The following EIF2B5 variants were observed in gnomAD, a reference collection of about 807,000 sequenced individuals.
EIF2B5 encodes the protein eukaryotic translation initiation factor 2B subunit epsilon.
In EIF2B5, 38 loss-of-function variants were observed where a neutral mutation model predicts 87.3. The observed-to-expected ratio is 0.44, with a 90% CI of 0.34 to 0.57. The LOEUF is 0.57. Ranked by LOEUF, EIF2B5 falls within the 20% of genes least tolerant of loss-of-function variation. The pLI is 0.02. For missense variants in EIF2B5, 784 were observed against 909.5 expected, an observed-to-expected ratio of 0.86 and a Z score of 1.78; for synonymous variants, 313 against 339.6, an observed-to-expected ratio of 0.92 and a Z score of 0.86.
intron 5 of EIF2B5, among the ~76,000 whole-genome samples, chr3:184,139,646 CTT>C (rs1713531937): frequency 6.6e-6 from 1 of 150,668 alleles, no homozygotes; most frequent in Admixed American, 6.6e-5. Flanking sequence ...CTGGGAGTCT[CTT>C]TGGAATTCTG....
intron 13 of EIF2B5, 96 bp downstream of exon 13, chr3:184,143,661 G>C: frequency 6.3e-7 from 1 of 1,586,364 alleles, no homozygotes; most frequent in South Asian, 1.1e-5. Flanking sequence ...GTCACTTCTG[G>C]TTCCTTTTTC....
At chr3:184,136,113 C>T (rs1713346146) in intron 1 of EIF2B5, among the ~76,000 whole-genome samples, 2 of 152,072 alleles carry the variant, frequency 1.3e-5, no homozygotes, top group African/African-American at 2.4e-5. Flanking sequence ...GTATTGGACT[C>T]AGCTGGGTCG....
In EIF2B5 at chr3:184,142,416, C is replaced by T. The variant is rs201560381; in HGVS notation, c.1444+38C>T. 19 of 1,614,138 alleles carry T rather than the reference C, an allele frequency of 1.2e-5. No individual in the cohort carries two copies. The Admixed American group carries it at 1.5e-4, about 13-fold the overall frequency. ...ACAGGTGTGGGGCATCTGTGTGTCT[C>T]GCTGCCTCATAGAAGAACCAGTGTT... On this transcript the variant is annotated intron_variant, in intron 9 of 15. Transcript: ENST00000648915. The surrounding 1 kb of genome is among the most constrained non-coding windows in gnomAD (Gnocchi z 5.0).
chr3:184,138,227 T>C lies in EIF2B5; in HGVS notation c.746T>C (p.Ile249Thr), dbSNP rs1713455005. The C allele has an allele frequency of 6.2e-7, 1 of 1,614,018 alleles. No homozygotes were observed. Among genetic ancestry groups the C allele is most frequent in the Non-Finnish European group, 8.5e-7 (1 of 1,180,038 alleles). The change falls in exon 5 of 16, where the codon ATC becomes ACC. Residue 249 changes from isoleucine to threonine, a missense_variant. Around this residue, in one of 3 missense-constraint regions of EIF2B5, gnomAD observed 660 missense variants for 789.5 expected, o/e 0.84. Coordinates refer to ENST00000648915, the MANE Select transcript of EIF2B5 (RefSeq NM_003907.3). Reference protein sequence around the residue: ...EVRYDLLDCHISICSPQVAQL... With the variant: ...EVRYDLLDCHTSICSPQVAQL... The stretch of plus-strand genomic sequence containing the variant: ...CGATATGATTTACTGGATTGTCATA[T>C]CAGCATCTGTTCTCCTCAGGTGAGC...
At chr3:184,137,507 C>T in intron 2 of EIF2B5, 113 bp from the exon 3 acceptor site, 1 of 1,064,564 alleles carries the variant, frequency 9.4e-7, no homozygotes. Context: ...TGGCAAGAAC[C>T]CAAAAAAGCC....
chr3:184,142,028 G>A lies in EIF2B5; in HGVS notation c.1260G>A (p.Lys420=). ...QSLLCDNAEV[K]ERVTLKPRSV... ...TGCTTTGTGACAATGCTGAGGTCAA[G>A]GAACGAGTGACACTGAAACCACGCT... The change falls in exon 8 of 16, where the codon AAG becomes AAA. Residue 420 remains lysine, a synonymous_variant. Coordinates refer to ENST00000648915, the MANE Select transcript of EIF2B5 (RefSeq NM_003907.3). This position sits in a 1 kb window ranked among gnomAD's most constrained non-coding sequence, Gnocchi z 5.0. The A allele has an allele frequency of 6.2e-7, 1 of 1,614,164 alleles. No individual in the cohort carries two copies. Among genetic ancestry groups the A allele is most frequent in the Non-Finnish European group, 8.5e-7 (1 of 1,180,034 alleles).
At chr3:184,138,367 T>A in intron 5 of EIF2B5, 121 bp downstream of exon 5, 1 of 1,016,894 alleles carries the variant, frequency 9.8e-7, no homozygotes, top group South Asian at 1.3e-5. Flanking sequence ...TTTTTACTTT[T>A]ATTTTTTGAG....
chr3:184,143,434 C>T lies in EIF2B5; in HGVS notation c.1746-8C>T. 1 of 1,614,154 alleles carries T rather than the reference C, an allele frequency of 6.2e-7. No individual in the cohort carries two copies. The highest frequency in any genetic ancestry group is 8.5e-7 in the Non-Finnish European group (1 of 1,180,022). ...GAAGGCCCTGGTGTCACCCCAGTCT[C>T]CCCACAGGTATGCCTATAACATAAG... On this transcript the variant is annotated splice_polypyrimidine_tract_variant and splice_region_variant and intron_variant, in intron 12 of 15. Transcript: ENST00000648915.
chr3:184,143,525 C>T lies in EIF2B5; in HGVS notation c.1829C>T (p.Ser610Phe), dbSNP rs971400239. The change falls in exon 13 of 16, where the codon TCC becomes TTC. Residue 610 changes from serine (S) to phenylalanine (F), a missense_variant. Coordinates refer to ENST00000648915, the MANE Select transcript of EIF2B5 (RefSeq NM_003907.3). Reference protein sequence around the residue: ...VLEFPLQQMDSPLDSSRYCAL... With the variant: ...VLEFPLQQMDFPLDSSRYCAL... ...GAGTTCCCCCTGCAACAGATGGATT[C>T]CCCGCTTGACTCAAGCCGCTACTGT... 5.0e-6 allele frequency: 8 copies of T among 1,614,074 alleles called. No individual in the cohort carries two copies. The highest frequency in any genetic ancestry group is 1.1e-5 in the South Asian group (1 of 91,090).
At position 184,142,742 on chromosome 3, in the gene EIF2B5, C is replaced by G. The variant is rs1560109605; in HGVS notation, c.1547-37C>G. The G allele has an allele frequency of 1.3e-6, 2 of 1,597,034 alleles. No individual in the cohort carries two copies. Among genetic ancestry groups the G allele is most frequent in the Admixed American group, 1.7e-5 (1 of 57,954 alleles). On this transcript the variant is annotated intron_variant, in intron 10 of 15. Transcript: ENST00000648915. This position sits in a 1 kb window ranked among gnomAD's most constrained non-coding sequence, Gnocchi z 5.0. ...GGTATATTGCTCTCTGTCAATGACT[C>G]TTTTTTTCTTTTTCCTCACCCATTA...
chr3:184,141,072 A>T (rs1713613188), intron 7 of EIF2B5, among the ~76,000 whole-genome samples: 1 of 152,236 alleles, frequency 6.6e-6, no homozygotes, highest in Non-Finnish European at 1.5e-5. Flanking sequence ...TTCATAATTT[A>T]CAAATAAACA....
In EIF2B5 at chr3:184,142,913, G is replaced by A. The variant is rs374995986; in HGVS notation, c.1654+27G>A. On this transcript the variant is annotated intron_variant, in intron 11 of 15. Coordinates refer to ENST00000648915, the MANE Select transcript of EIF2B5 (RefSeq NM_003907.3). This position sits in a 1 kb window ranked among gnomAD's most constrained non-coding sequence, Gnocchi z 5.0. The stretch of plus-strand genomic sequence containing the variant: ...TGAGTGGCAGGGGAGAAATGCGCTG[G>A]ACCAGTTTATTCTCTGCCTGGATCA... 6.3e-6 allele frequency: 10 copies of A among 1,598,874 alleles called. No individual in the cohort carries two copies. The highest frequency in any genetic ancestry group is 8.5e-6 in the Non-Finnish European group (10 of 1,169,842).
rs1257691491 is a variant in EIF2B5, at chr3:184,137,879, T to A, written c.507-19T>A. ...CTGAGACTGCTTTTTTGCAGTTCTG[T>A]CCCTCCTGTCCTTTATAGGTTGAGA... On this transcript the variant is annotated intron_variant, in intron 3 of 15. Transcript: ENST00000648915. 6.2e-7 allele frequency: 1 copy of A among 1,614,176 alleles called. No individual in the cohort carries two copies. Among genetic ancestry groups the A allele is most frequent in the African/African-American group, 1.3e-5 (1 of 75,040 alleles).
In EIF2B5 at chr3:184,143,497, C is replaced by T. The variant is rs2109011430; in HGVS notation, c.1801C>T (p.Leu601=). 2 of 1,614,202 alleles carry T rather than the reference C, an allele frequency of 1.2e-6. No homozygotes were observed. Among genetic ancestry groups the T allele is most frequent in the Non-Finnish European group, 1.7e-6 (2 of 1,180,028 alleles). Residue 601 remains leucine (L), a synonymous_variant, in exon 13 of 16, where the codon CTG becomes TTG. Coordinates refer to ENST00000648915, the MANE Select transcript of EIF2B5 (RefSeq NM_003907.3). ...EVMQVLSHVV[L]EFPLQQMDSP... Reference sequence around the variant, plus strand: ...GATGCAGGTACTGAGCCACGTGGTCCTGGAGTTCCCCCTGCAACAGATGGA... The same window carrying T: ...GATGCAGGTACTGAGCCACGTGGTCTTGGAGTTCCCCCTGCAACAGATGGA...
At chr3:184,143,597 T>A in intron 13 of EIF2B5, 32 bp downstream of exon 13, 6 of 1,614,122 alleles carry the variant, frequency 3.7e-6, no homozygotes, top group Non-Finnish European at 4.2e-6. Flanking sequence ...GTACAAGGGA[T>A]TGGGTACAGG....
chr3:184,136,421 A>T (rs2271596), intron 1 of EIF2B5, among the ~76,000 whole-genome samples, 191 bp from the exon 2 acceptor site: 2,321 of 152,342 alleles, frequency 0.015, 43 homozygotes, highest in East Asian at 0.074. Context: ...CCATCCCCAA[A>T]TTGCAATGTC....
At chr3:184,139,589 T>G (rs1713529629) in intron 5 of EIF2B5, among the ~76,000 whole-genome samples, 1 of 151,822 alleles carries the variant, frequency 6.6e-6, no homozygotes, top group South Asian at 2.1e-4. Flanking sequence ...CCTTTTTTTT[T>G]TTTTTAGAAT....
In EIF2B5 at chr3:184,141,917, T is replaced by G; in HGVS notation, c.1157-8T>G. 1 of 1,613,994 alleles carries G rather than the reference T, an allele frequency of 6.2e-7. No homozygotes were observed. Among genetic ancestry groups the G allele is most frequent in the Non-Finnish European group, 8.5e-7 (1 of 1,179,964 alleles). On this transcript the variant is annotated splice_polypyrimidine_tract_variant and splice_region_variant and intron_variant, in intron 7 of 15. Coordinates refer to ENST00000648915, the MANE Select transcript of EIF2B5 (RefSeq NM_003907.3). The stretch of plus-strand genomic sequence containing the variant: ...GAGTTACCCAGAGGTCTTCCCATCC[T>G]GAGCCAGGTGATAACGTGGTGCTGG...
In EIF2B5 at chr3:184,141,925, G is replaced by T. The variant is rs113994074; in HGVS notation, c.1157G>T (p.Gly386Val). The T allele has an allele frequency of 6.2e-7, 1 of 1,614,076 alleles. No homozygotes were observed. The highest frequency in any genetic ancestry group is 8.5e-7 in the Non-Finnish European group (1 of 1,179,996). The change falls in exon 8 of 16, where the codon GGT (glycine) becomes GTT (valine). Residue 386 changes from glycine (G) to valine (V), a missense_variant and splice_region_variant. Physicochemically the swap from Gly to Val is moderately radical, Grantham distance 109 (BLOSUM62 -3). Coordinates refer to ENST00000648915, the MANE Select transcript of EIF2B5 (RefSeq NM_003907.3). ...CAGAGGTCTTCCCATCCTGAGCCAG[G>T]TGATAACGTGGTGCTGGACCAGACC... is the stretch of plus-strand genomic sequence containing the variant. ...NSVIGPGCHI[G>V]DNVVLDQTYL...
Sources: gnomAD v4.1 joint callset for allele counts (sites outside exome capture counted in the v4.1 genomes callset) on GRCh38, gnomAD v4.1.1 for gene constraint, gnomAD v4.1.1 regional missense constraint, Gnocchi (gnomAD v3.1) non-coding constraint, MANE v1.5 for transcripts, NCBI Gene and HGNC (gene_info 2026-07-23, HGNC 2026-07-21) for gene names.